Variants in UXS1 observed in about 807,000 individuals in gnomAD.
The protein encoded by UXS1 is UDP-glucuronate decarboxylase 1.
A neutral mutation model predicts 62.6 loss-of-function variants in UXS1; 33 were observed. That is an observed-to-expected ratio of 0.53 (90% CI 0.40 to 0.70). UXS1 has a LOEUF of 0.70. Among genes scored for constraint, UXS1 ranks in the 30% least tolerant of loss-of-function variants. The pLI is 0.00. For missense variants in UXS1, 434 were observed against 556.3 expected, an observed-to-expected ratio of 0.78 and a Z score of 2.21; for synonymous variants, 213 against 206.8, an observed-to-expected ratio of 1.03 and a Z score of -0.26.
intron 1 of UXS1, among the ~76,000 whole-genome samples, chr2:106,170,899 G>A (rs1364418509): frequency 3.3e-5 from 5 of 152,206 alleles, no homozygotes; most frequent in Non-Finnish European, 7.3e-5. Flanking sequence ...CAAACAGATA[G>A]CTGGGCATTA....
intron 5 of UXS1, among the ~76,000 whole-genome samples, chr2:106,152,085 CA>C (rs1682067088): frequency 6.6e-6 from 1 of 152,188 alleles, no homozygotes; most frequent in Admixed American, 6.5e-5. Flanking sequence ...ACCTGTTCCC[CA>C]AGGAAACAAC....
rs536966789 is a variant in UXS1 at position 106,115,535 on chromosome 2, G to A, written c.760-2770C>T. The stretch of plus-strand genomic sequence containing the variant: ...GCCCATGAGTCATGGACAGCTCCAA[G>A]CATCAGGAAGGTCAAGACAACTCCT... On this transcript the variant is annotated intron_variant, in intron 9 of 14. Coordinates refer to ENST00000283148, the MANE Select transcript of UXS1 (RefSeq NM_001253875.2). Among the ~76,000 whole-genome samples, 7 of 152,300 alleles carry A rather than the reference G, an allele frequency of 4.6e-5. No individual in the cohort carries two copies. The South Asian group carries it at 1.2e-3, about 27-fold the overall frequency.
At chr2:106,120,869 G>A (rs901203897) in intron 9 of UXS1, among the ~76,000 whole-genome samples, 3 of 152,204 alleles carry the variant, frequency 2.0e-5, no homozygotes, top group African/African-American at 7.2e-5. Flanking sequence ...GAGTGACAGG[G>A]ACACCTTCCC....
intron 11 of UXS1, 92 bp from the exon 12 acceptor site, chr2:106,101,210 C>T (rs1677569617): frequency 7.4e-7 from 1 of 1,349,878 alleles, no homozygotes; most frequent in Admixed American, 2.4e-5. Context: ...GAAAAATTAC[C>T]ACCCCCAGGA....
chr2:106,174,054 G>A (rs888319804), intron 1 of UXS1, among the ~76,000 whole-genome samples: 41 of 150,536 alleles, frequency 2.7e-4, no homozygotes, highest in African/African-American at 8.1e-4. Flanking sequence ...GATGACTTAC[G>A]GACGGAGAAG....
At chr2:106,123,384 C>T (rs1679677980) in intron 8 of UXS1, among the ~76,000 whole-genome samples, 1 of 151,904 alleles carries the variant, frequency 6.6e-6, no homozygotes, top group Non-Finnish European at 1.5e-5. Flanking sequence ...CAGAGTGCTA[C>T]ACAAATTACA....
chr2:106,172,045 TC>T (rs61105913), intron 1 of UXS1, among the ~76,000 whole-genome samples: 2,222 of 152,298 alleles, frequency 0.015, 62 homozygotes, highest in African/African-American at 0.051. Flanking sequence ...TGCTCCTCCA[TC>T]CCCCATTCAT....
At chr2:106,097,071 G>A (rs1038410000) in intron 13 of UXS1, 4 of 618,244 alleles carry the variant, frequency 6.5e-6, no homozygotes, top group Non-Finnish European at 1.2e-5. Context: ...GTGGGGGGCA[G>A]GTTATTCTGT....
chr2:106,130,808 C>T (rs1429335478), intron 6 of UXS1, among the ~76,000 whole-genome samples: 1 of 152,154 alleles, frequency 6.6e-6, no homozygotes, highest in Non-Finnish European at 1.5e-5. Flanking sequence ...ATGCCTGGGT[C>T]CCCAACACCC....
rs1054185971 is a variant in UXS1 at position 106,126,366 on chromosome 2, A to G, written c.578-687T>C. Among the ~76,000 whole-genome samples, 29 of 148,080 alleles carry G rather than the reference A, an allele frequency of 2.0e-4. 1 individual carries two copies. Among genetic ancestry groups the G allele is most frequent in the Non-Finnish European group, 3.4e-4 (23 of 66,956 alleles). On this transcript the variant is annotated intron_variant, in intron 7 of 14. Transcript: ENST00000283148. Reference sequence around the variant, plus strand: ...GGATCCAAGAACCCCCCTGACCGTCACTAACCCTGTACTTAAGACAGGCGA... The same window carrying G: ...GGATCCAAGAACCCCCCTGACCGTCGCTAACCCTGTACTTAAGACAGGCGA...
intron 1 of UXS1, among the ~76,000 whole-genome samples, chr2:106,169,310 G>A (rs1683398853): frequency 6.6e-6 from 1 of 152,170 alleles, no homozygotes; most frequent in Non-Finnish European, 1.5e-5. Context: ...TGCCTTCTGG[G>A]TGGGTAGCAC....
rs758147081 is a variant in UXS1 at position 106,112,676 on chromosome 2, G to A, written c.849C>T (p.Ile283=). 1.2e-6 allele frequency: 2 copies of A among 1,614,012 alleles called. No individual in the cohort carries two copies. The highest frequency in any genetic ancestry group is 1.7e-6 in the Non-Finnish European group (2 of 1,179,896). The change falls in exon 10 of 15, where the codon ATC becomes ATT. Residue 283 remains isoleucine, a synonymous_variant. Coordinates refer to ENST00000283148, the MANE Select transcript of UXS1 (RefSeq NM_001253875.2). ...GTGGCTCCCCCTGGAGCGCCTGCAG[G>A]ATGAAGTTGCTGACTACTCGCCCAT... The part of the protein sequence containing the change: ...MNDGRVVSNF[I]LQALQGEPLT...
At chr2:106,187,880 A>G (rs1033011588) in intron 1 of UXS1, among the ~76,000 whole-genome samples, 2 of 151,672 alleles carry the variant, frequency 1.3e-5, no homozygotes, top group Non-Finnish European at 2.9e-5. Context: ...TGCTGGGATT[A>G]CAGGCGCCCG....
chr2:106,094,036 C>T lies in UXS1; in HGVS notation c.1268G>A (p.Arg423His), dbSNP rs374259230. ...KPARIKKGRT[R>H]HS ...CTAAAAGTGAGGAGTTCAGCTGTGGCGAGTCCGTCCTTTCTTTATTCTGGC... is the reference window on the plus strand; with the variant it reads ...CTAAAAGTGAGGAGTTCAGCTGTGGTGAGTCCGTCCTTTCTTTATTCTGGC... Residue 423 changes from arginine to histidine, a missense_variant, in exon 15 of 15, where the codon CGC becomes CAC. By Grantham distance (29) the Arg-to-His change is conservative (BLOSUM62 0). Coordinates refer to ENST00000283148, the MANE Select transcript of UXS1 (RefSeq NM_001253875.2). 2.5e-5 allele frequency: 40 copies of T among 1,611,586 alleles called. No individual in the cohort carries two copies. The highest frequency in any genetic ancestry group is 6.7e-5 in the African/African-American group (5 of 74,770).
At chr2:106,154,895 T>C (rs1239247473) in intron 5 of UXS1, among the ~76,000 whole-genome samples, 1 of 152,058 alleles carries the variant, frequency 6.6e-6, no homozygotes, top group African/African-American at 2.4e-5. Context: ...AGCAAAGAGG[T>C]TTATTTGGCA....
chr2:106,193,668 A>G (rs907498579), intron 1 of UXS1, among the ~76,000 whole-genome samples: 4 of 152,124 alleles, frequency 2.6e-5, no homozygotes, highest in Non-Finnish European at 5.9e-5. Flanking sequence ...ACGCTGAGTA[A>G]TTTTCCTGAG....
chr2:106,125,017 G>T (rs1679813849), intron 8 of UXS1, among the ~76,000 whole-genome samples: 1 of 152,170 alleles, frequency 6.6e-6, no homozygotes, highest in Non-Finnish European at 1.5e-5. Context: ...GCTGGTTTGG[G>T]GCTGAAGAGA....
intron 1 of UXS1, among the ~76,000 whole-genome samples, chr2:106,167,537 A>T (rs571726808): frequency 1.3e-5 from 2 of 151,880 alleles, no homozygotes; most frequent in East Asian, 1.9e-4. Context: ...TGAAATTCCC[A>T]CTCTCAAGAA....
intron 9 of UXS1, among the ~76,000 whole-genome samples, chr2:106,118,962 T>C (rs1204294524): frequency 3.3e-5 from 5 of 152,252 alleles, no homozygotes; most frequent in Non-Finnish European, 5.9e-5. Context: ...ATTAAAAATA[T>C]GCCAGACGTA....
Sources: allele counts gnomAD v4.1 joint callset (sites outside exome capture counted in the v4.1 genomes callset), GRCh38; gene constraint gnomAD v4.1.1; transcripts MANE v1.5; gene names NCBI Gene and HGNC (gene_info 2026-07-23, HGNC 2026-07-21).